Variants in ITPR2 observed in about 807,000 individuals in gnomAD.
ITPR2 encodes inositol 1,4,5-trisphosphate-gated calcium channel ITPR2.
ITPR2 carries 207 observed loss-of-function variants against 317.1 expected under a neutral mutation model. The ratio of observed to expected loss-of-function variants is 0.65; its 90% confidence interval spans 0.58 to 0.73. The LOEUF is 0.73. Ranked by LOEUF, ITPR2 falls within the 30% of genes least tolerant of loss-of-function variation. The probability of loss-of-function intolerance (pLI) is 0.00; values close to 1 mark genes in which losing one functional copy is unlikely to be tolerated. For missense variants in ITPR2, 2,613 were observed against 3,284.0 expected (o/e 0.80, Z 4.99); for synonymous variants, 1,156 against 1,149.1 (o/e 1.01, Z -0.12).
chr12:26,400,356 C>T lies in ITPR2; in HGVS notation c.7400-98G>A, dbSNP rs1440722325. 5.5e-6 allele frequency: 3 copies of T among 544,384 alleles called. No homozygotes were observed. The East Asian group carries it at 1.1e-4, about 21-fold the overall frequency. 33.7% of individuals were successfully genotyped at this position (544,384 alleles called of 1,614,324 possible). A position where few individuals can be genotyped will look rare whatever the true frequency, so the allele number is the denominator to read the frequency against. On this transcript the variant is annotated intron_variant, in intron 52 of 56. Coordinates refer to ENST00000381340, the MANE Select transcript of ITPR2 (RefSeq NM_002223.4). The stretch of plus-strand genomic sequence containing the variant: ...AATATACATACAATAAATATACATA[C>T]ATATACATAAGTATGTAAATTTATA...
chr12:26,662,670 GTGTTT>G (rs1287159982), intron 15 of ITPR2, among the ~76,000 whole-genome samples: 7 of 152,274 alleles, frequency 4.6e-5, no homozygotes, highest in African/African-American at 7.2e-5. Context: ...TATTAAGCTT[GTGTTT>G]TGTTTTGTTT....
At chr12:26,568,334 G>T (rs1318330846) in intron 34 of ITPR2, among the ~76,000 whole-genome samples, 1 of 151,690 alleles carries the variant, frequency 6.6e-6, no homozygotes, top group African/African-American at 2.4e-5. Flanking sequence ...GAGAGGATGG[G>T]TTGTTATCAA....
At chr12:26,425,100 G>A (rs554398451) in intron 49 of ITPR2, among the ~76,000 whole-genome samples, 2 of 151,758 alleles carry the variant, frequency 1.3e-5, no homozygotes, top group African/African-American at 2.4e-5. Context: ...GATGATATTC[G>A]CTAAAATATT....
At position 26,695,603 on chromosome 12, in the gene ITPR2, C is replaced by T. The variant is rs1337528727; in HGVS notation, c.996+3G>A. 3 of 1,610,734 alleles carry T rather than the reference C, an allele frequency of 1.9e-6. No individual in the cohort carries two copies. Among genetic ancestry groups the T allele is most frequent in the Non-Finnish European group, 2.5e-6 (3 of 1,177,274 alleles). ...TTGTTGGAGAAAAGCCAGTTCTACTCACCACATTTTTTCCTTCATTTTGGG... is the reference window on the plus strand; with the variant it reads ...TTGTTGGAGAAAAGCCAGTTCTACTTACCACATTTTTTCCTTCATTTTGGG... On this transcript the variant is annotated splice_donor_region_variant and intron_variant, in intron 10 of 56. Coordinates refer to ENST00000381340, the MANE Select transcript of ITPR2 (RefSeq NM_002223.4).
intron 11 of ITPR2, among the ~76,000 whole-genome samples, chr12:26,684,695 T>G (rs115920898): frequency 1.4e-4 from 22 of 152,332 alleles, no homozygotes; most frequent in African/African-American, 5.0e-4. Context: ...TTATTCTATA[T>G]AAAGTGAGGC....
intron 47 of ITPR2, among the ~76,000 whole-genome samples, chr12:26,438,005 G>A (rs1045899058): frequency 5.9e-5 from 9 of 152,134 alleles, no homozygotes; most frequent in East Asian, 1.9e-4. Context: ...GTTTCACTGC[G>A]TTAGCCAGGA....
intron 55 of ITPR2, among the ~76,000 whole-genome samples, chr12:26,364,468 C>G (rs1393936114): frequency 6.6e-6 from 1 of 152,098 alleles, no homozygotes; most frequent in Non-Finnish European, 1.5e-5. Context: ...TCAGTGTTTC[C>G]CAAGGTCACA....
At chr12:26,583,166 T>A (rs1312800643) in intron 32 of ITPR2, among the ~76,000 whole-genome samples, 2 of 152,198 alleles carry the variant, frequency 1.3e-5, no homozygotes, top group African/African-American at 4.8e-5. Flanking sequence ...AACTGACTGC[T>A]ATACCAGTAA....
At chr12:26,616,346 C>T (rs1162643893) in intron 26 of ITPR2, among the ~76,000 whole-genome samples, 3 of 151,932 alleles carry the variant, frequency 2.0e-5, no homozygotes, top group Admixed American at 2.0e-4. Flanking sequence ...ACTGTGTTAG[C>T]CAGGATGGTC....
chr12:26,391,531 G>GCTTCTT (rs1161918290), intron 54 of ITPR2, among the ~76,000 whole-genome samples: 8 of 137,756 alleles, frequency 5.8e-5, no homozygotes, highest in African/African-American at 8.2e-5. Flanking sequence ...TATTCTGAAA[G>GCTTCTT]CTTCTTCTTC....
At chr12:26,361,210 CA>C (rs11450670) in intron 55 of ITPR2, among the ~76,000 whole-genome samples, 69 of 143,804 alleles carry the variant, frequency 4.8e-4, no homozygotes, top group Middle Eastern at 3.6e-3. Flanking sequence ...AGCAAAACTC[CA>C]AAAAAAAAAA....
Position 26,724,684 on chromosome 12 carries a change from T to C in ITPR2, c.338A>G (p.Glu113Gly). ...TATAACATTACTGTATTTTACAATT[T>C]CTCCCAACAGTTTCTTATTCTCCGA... ...NESENKKLLG[E>G]IVKYSNVIQL... The change falls in exon 4 of 57, where the codon GAA becomes GGA. Residue 113 changes from glutamate to glycine, a missense_variant. Glu to Gly is a moderately conservative substitution (Grantham distance 98, BLOSUM62 -2). Around this residue, in one of 9 missense-constraint regions of ITPR2, gnomAD observed 515 missense variants for 789.4 expected, o/e 0.65. Transcript: ENST00000381340. The C allele has an allele frequency of 1.9e-6, 3 of 1,601,532 alleles. No homozygotes were observed. Among genetic ancestry groups the C allele is most frequent in the Non-Finnish European group, 2.6e-6 (3 of 1,170,308 alleles).
chr12:26,731,772 TGGA>T (rs921440805), intron 2 of ITPR2, among the ~76,000 whole-genome samples: 8 of 152,296 alleles, frequency 5.3e-5, no homozygotes, highest in African/African-American at 1.7e-4. Flanking sequence ...CACTCCAGCC[TGGA>T]GGACAAAGCA....
chr12:26,393,195 G>T (rs1032528256), intron 54 of ITPR2, among the ~76,000 whole-genome samples: 1 of 152,102 alleles, frequency 6.6e-6, no homozygotes, highest in African/African-American at 2.4e-5. Context: ...TCTTACTATG[G>T]AGATTCTCTC....
At chr12:26,719,803 G>A (rs1481555059) in intron 5 of ITPR2, among the ~76,000 whole-genome samples, 5 of 151,972 alleles carry the variant, frequency 3.3e-5, no homozygotes, top group African/African-American at 1.2e-4. Context: ...TTTCTAAAAC[G>A]CAAAGTCTAC....
chr12:26,472,944 T>C (rs1010647282), intron 45 of ITPR2, among the ~76,000 whole-genome samples: 3 of 152,162 alleles, frequency 2.0e-5, no homozygotes, highest in Admixed American at 6.5e-5. Flanking sequence ...TGGAGTGCAG[T>C]GGAGTGATCT....
chr12:26,389,732 A>G (rs1295489483), intron 54 of ITPR2, among the ~76,000 whole-genome samples: 2 of 151,682 alleles, frequency 1.3e-5, no homozygotes, highest in East Asian at 3.9e-4. Flanking sequence ...AGTGCTTACC[A>G]CCTCCTTATA....
At chr12:26,585,326 T>C (rs11048594) in intron 32 of ITPR2, among the ~76,000 whole-genome samples, 11,354 of 152,290 alleles carry the variant, frequency 0.075, 514 homozygotes, top group Middle Eastern at 0.14. Context: ...TCAGTGACTT[T>C]AACATCCATC....
chr12:26,554,874 AC>A (rs1011116807), intron 36 of ITPR2, among the ~76,000 whole-genome samples: 2 of 152,044 alleles, frequency 1.3e-5, no homozygotes, highest in Admixed American at 6.5e-5. Flanking sequence ...TGGGCTTTCA[AC>A]GTACCCATCA....
Sources: allele counts gnomAD v4.1 joint callset (sites outside exome capture counted in the v4.1 genomes callset), GRCh38; gene constraint gnomAD v4.1.1; regional missense constraint gnomAD v4.1.1; transcripts MANE v1.5; gene names NCBI Gene and HGNC (gene_info 2026-07-23, HGNC 2026-07-21).